The following PLD5 variants were observed in gnomAD, a reference collection of about 807,000 sequenced individuals.
PLD5 encodes inactive phospholipase D5.
A neutral mutation model predicts 61.1 loss-of-function variants in PLD5; 36 were observed. The observed-to-expected ratio is 0.59, with a 90% CI of 0.45 to 0.78. The LOEUF is 0.78. Ranked by LOEUF, PLD5 falls within the 30% of genes least tolerant of loss-of-function variation. The probability of loss-of-function intolerance (pLI) is 0.00; values close to 1 mark genes in which losing one functional copy is unlikely to be tolerated. For synonymous variants in PLD5, 243 were observed against 242.8 expected, an observed-to-expected ratio of 1.00 and a Z score of -0.01; for missense variants, 515 against 644.4, an observed-to-expected ratio of 0.80 and a Z score of 2.17.
chr1:242,467,299 A>G (rs1005733643), intron 1 of PLD5, among the ~76,000 whole-genome samples: 1 of 152,154 alleles, frequency 6.6e-6, no homozygotes, highest in Non-Finnish European at 1.5e-5. Flanking sequence ...GTTTCTTTTT[A>G]GTTAAAAATG....
intron 3 of PLD5, among the ~76,000 whole-genome samples, chr1:242,283,825 T>G (rs1383479056): frequency 6.6e-6 from 1 of 152,020 alleles, no homozygotes; most frequent in Non-Finnish European, 1.5e-5. Flanking sequence ...AAGGTTTGGA[T>G]AGTCTTGAAT....
At position 242,298,881 on chromosome 1, in the gene PLD5, A is replaced by G. The variant is rs534635901; in HGVS notation, c.327-10351T>C. 8.5e-5 allele frequency among the ~76,000 whole-genome samples: 13 copies of G among 152,296 alleles called. No individual in the cohort carries two copies. The East Asian group carries it at 2.1e-3, about 25-fold the overall frequency. On this transcript the variant is annotated intron_variant, in intron 2 of 9. Transcript: ENST00000536534. Reference sequence around the variant, plus strand: ...AAAGAAACTTGAGGAGGATGAAGACAAAAGAGGAAAACGGTGGAACGTAAT... The same window carrying G: ...AAAGAAACTTGAGGAGGATGAAGACGAAAGAGGAAAACGGTGGAACGTAAT...
chr1:242,262,494 A>C (rs1673431753), intron 4 of PLD5, among the ~76,000 whole-genome samples: 1 of 152,238 alleles, frequency 6.6e-6, no homozygotes, highest in Non-Finnish European at 1.5e-5. Context: ...TTGGGGGAAC[A>C]CGTAAGGTGA....
intron 1 of PLD5, among the ~76,000 whole-genome samples, chr1:242,356,998 A>C (rs1003443923): frequency 6.6e-6 from 1 of 151,684 alleles, no homozygotes; most frequent in African/African-American, 2.4e-5. Context: ...GAATATTGCT[A>C]TTTATTATGT....
chr1:242,329,660 A>C (rs1297327676), intron 2 of PLD5, among the ~76,000 whole-genome samples: 3 of 152,200 alleles, frequency 2.0e-5, no homozygotes, highest in Admixed American at 2.0e-4. Context: ...CCTTAGGAGA[A>C]GGGGAGTTAA....
At chr1:242,448,676 A>G (rs1479424186) in intron 1 of PLD5, among the ~76,000 whole-genome samples, 1 of 152,224 alleles carries the variant, frequency 6.6e-6, no homozygotes, top group Non-Finnish European at 1.5e-5. Context: ...TAACTTCCAC[A>G]GTGAATTCTA....
chr1:242,394,184 G>GTGTA (rs1360439970), intron 1 of PLD5, among the ~76,000 whole-genome samples: 1 of 61,578 alleles, frequency 1.6e-5, no homozygotes, highest in Non-Finnish European at 2.8e-5. Context: ...GTATATATGA[G>GTGTA]TATATATGAG....
chr1:242,385,081 C>T (rs1216218699), intron 1 of PLD5, among the ~76,000 whole-genome samples: 1 of 152,136 alleles, frequency 6.6e-6, no homozygotes, highest in Non-Finnish European at 1.5e-5. Flanking sequence ...AAATCACCAA[C>T]CAAATTCGGG....
chr1:242,197,899 G>A (rs542243963), intron 5 of PLD5, among the ~76,000 whole-genome samples: 2 of 152,210 alleles, frequency 1.3e-5, no homozygotes, highest in South Asian at 4.2e-4. Context: ...CTCCCAAAGT[G>A]CTGGGATTAC....
intron 1 of PLD5, among the ~76,000 whole-genome samples, chr1:242,394,793 T>C (rs193121431): frequency 2.1e-4 from 18 of 86,470 alleles, no homozygotes; most frequent in South Asian, 3.8e-4. Flanking sequence ...TATATGTGAA[T>C]ATATATGTGT....
At chr1:242,124,342 A>G in intron 6 of PLD5, 126 bp downstream of exon 6, 1 of 831,314 alleles carries the variant, frequency 1.2e-6, no homozygotes. Flanking sequence ...TTAACTCTTC[A>G]CGTCATGGGA....
chr1:242,379,152 C>T (rs1430586774), intron 1 of PLD5, among the ~76,000 whole-genome samples: 3 of 152,174 alleles, frequency 2.0e-5, no homozygotes, highest in Non-Finnish European at 4.4e-5. Flanking sequence ...AGTAACGAGG[C>T]TTCCACTCAA....
rs1669520254 is a variant in PLD5, at chr1:242,207,924, A to ATATATATTTATATATTTATATATATT, written c.735+12038_735+12063dup. ...TATATTTATATATATTTATATATTT[A>ATATATATTTATATATTTATATATATT]TATATATTTATATATTTATATATAT... On this transcript the variant is annotated intron_variant, in intron 5 of 9. Transcript: ENST00000536534. Among the ~76,000 whole-genome samples the ATATATATTTATATATTTATATATATT allele has an allele frequency of 4.0e-5, 2 of 49,750 alleles. 1 individual carries two copies. The highest frequency in any genetic ancestry group is 6.1e-5 in the Non-Finnish European group (2 of 32,720). The allele number at this position is 49,750 out of a possible 152,430, so 32.6% of individuals were successfully genotyped here. A position where few individuals can be genotyped will look rare whatever the true frequency, so the allele number is the denominator to read the frequency against.
intron 2 of PLD5, among the ~76,000 whole-genome samples, chr1:242,341,021 T>C (rs1558479585): frequency 6.6e-6 from 1 of 152,060 alleles, no homozygotes. Flanking sequence ...GAAGTCTTCA[T>C]GAAAAGGAAC....
In PLD5 at chr1:242,142,678, T is replaced by C. The variant is rs559204041; in HGVS notation, c.736-18013A>G. ...GGATTTTTAACCTCTGGATCATGCG[T>C]GGAGTACAAATGCTGTAAGGTGTAG... On this transcript the variant is annotated intron_variant, in intron 5 of 9. Transcript: ENST00000536534. 1.4e-4 allele frequency among the ~76,000 whole-genome samples: 22 copies of C among 152,138 alleles called. No individual in the cohort carries two copies. The Middle Eastern group carries it at 0.01, about 71-fold the overall frequency.
chr1:242,163,040 G>A (rs1021614161), intron 5 of PLD5, among the ~76,000 whole-genome samples: 2 of 152,036 alleles, frequency 1.3e-5, no homozygotes, highest in South Asian at 2.1e-4. Context: ...TTCTGGTTCT[G>A]AATGTTATAA....
chr1:242,292,187 G>A (rs2259017), intron 2 of PLD5, among the ~76,000 whole-genome samples: 144,820 of 152,222 alleles, frequency 0.95, 69,147 homozygotes, highest in Middle Eastern at 0.99. Flanking sequence ...TAGACATAGC[G>A]CGGATAAATA....
chr1:242,306,756 C>G lies in PLD5; in HGVS notation c.327-18226G>C, dbSNP rs1489776167. ...ATTTATTAAAACACACACACACACA[C>G]ACACACACACACACACACACACACA... On this transcript the variant is annotated intron_variant, in intron 2 of 9. Transcript: ENST00000536534. Among the ~76,000 whole-genome samples the G allele has an allele frequency of 5.9e-4, 3 of 5,060 alleles. No individual in the cohort carries two copies. In the Non-Finnish European group the frequency reaches 9.3e-3, roughly 16 times the overall value. The allele number at this position is 5,060 out of a possible 152,430, so 3.3% of individuals were successfully genotyped here.
chr1:242,467,517 T>C (rs1382529092), intron 1 of PLD5, among the ~76,000 whole-genome samples: 2 of 152,244 alleles, frequency 1.3e-5, no homozygotes, highest in East Asian at 3.8e-4. Flanking sequence ...TTAGAATTCC[T>C]GTAGCAATCT....
Sources: allele counts gnomAD v4.1 joint callset (sites outside exome capture counted in the v4.1 genomes callset), GRCh38; gene constraint gnomAD v4.1.1; transcripts MANE v1.5; gene names NCBI Gene and HGNC (gene_info 2026-07-23, HGNC 2026-07-21).